Variants in TRAK1 observed in about 807,000 individuals in gnomAD.
The protein encoded by TRAK1 is trafficking kinesin-binding protein 1.
A neutral mutation model predicts 92.1 loss-of-function variants in TRAK1; 33 were observed. The ratio of observed to expected loss-of-function variants is 0.36; its 90% CI spans 0.27 to 0.48. The LOEUF (loss-of-function observed/expected upper bound fraction) is 0.48. Ranked by LOEUF, TRAK1 falls within the 20% of genes least tolerant of loss-of-function variation. The probability of loss-of-function intolerance (pLI) is 0.99; values close to 1 mark genes in which losing one functional copy is unlikely to be tolerated. For synonymous variants in TRAK1, 521 were observed against 517.3 expected (o/e 1.01, Z -0.10); for missense variants, 1,123 against 1,257.9 (o/e 0.89, Z 1.62).
Position 42,042,193 on chromosome 3 carries a change from C to A in TRAK1, c.-519+28076C>A, listed in dbSNP as rs1266460688. On this transcript the variant is annotated intron_variant, in intron 1 of 16. Coordinates refer to the TRAK1 transcript ENST00000487159. ...CCTCCCACCTTGACCTCCCAAAGTGCTGGGATTACAGGCGTGAGCCATCGA... is the reference window on the plus strand; with the variant it reads ...CCTCCCACCTTGACCTCCCAAAGTGATGGGATTACAGGCGTGAGCCATCGA... Among the ~76,000 whole-genome samples the A allele has an allele frequency of 2.6e-5, 4 of 152,034 alleles. No homozygotes were observed. In the East Asian group the frequency reaches 7.7e-4, roughly 29 times the overall value.
At chr3:42,162,250 C>G (rs1295486585) in intron 2 of TRAK1, among the ~76,000 whole-genome samples, 1 of 151,804 alleles carries the variant, frequency 6.6e-6, no homozygotes, top group East Asian at 1.9e-4. Context: ...GTGCCCATTT[C>G]ATGTATATAA....
rs375315730 is a variant in TRAK1, at chr3:42,110,094, G to GTATATATATATATATATATATATA, written c.92-15311_92-15288dup. Among the ~76,000 whole-genome samples the GTATATATATATATATATATATATA allele has an allele frequency of 1.3e-3, 106 of 83,200 alleles. 2 individuals are homozygous for GTATATATATATATATATATATATA. The highest frequency in any genetic ancestry group is 1.5e-3 in the Non-Finnish European group (66 of 43,198). The allele number at this position is 83,200 out of a possible 152,430, so 54.6% of individuals were successfully genotyped here. A position where few individuals can be genotyped will look rare whatever the true frequency, so the allele number is the denominator to read the frequency against. The stretch of plus-strand genomic sequence containing the variant: ...GTGCACATGTACCCTAGAACTTAAA[G>GTATATATATATATATATATATATA]TATATATATATATATATATATATAT... On this transcript the variant is annotated intron_variant, in intron 1 of 15. Coordinates refer to ENST00000327628, the MANE Select transcript of TRAK1 (RefSeq NM_001042646.3).
At chr3:42,044,622 C>T (rs1702684218) in intron 1 of TRAK1, among the ~76,000 whole-genome samples, 1 of 152,224 alleles carries the variant, frequency 6.6e-6, no homozygotes, top group Admixed American at 6.5e-5. Flanking sequence ...CTGTCTGTGC[C>T]ACTTGCCAGC....
chr3:42,217,006 C>T (rs898903453), intron 14 of TRAK1, among the ~76,000 whole-genome samples: 3 of 151,686 alleles, frequency 2.0e-5, no homozygotes, highest in African/African-American at 7.3e-5. Flanking sequence ...GGCTTTGGTG[C>T]GTGGCATGGG....
chr3:42,123,782 A>G (rs975648226), intron 1 of TRAK1, among the ~76,000 whole-genome samples: 1 of 151,664 alleles, frequency 6.6e-6, no homozygotes, highest in African/African-American at 2.4e-5. Flanking sequence ...TTGGTCCTCC[A>G]CTTGATCCAG....
intron 2 of TRAK1, among the ~76,000 whole-genome samples, chr3:42,127,245 C>T (rs376062992): frequency 1.2e-4 from 19 of 152,068 alleles, no homozygotes; most frequent in South Asian, 4.2e-4. Context: ...TTTGGGAAAT[C>T]TCTCTGCGTT....
In TRAK1 at chr3:42,105,345, C is replaced by A. The variant is rs548955205; in HGVS notation, c.91+13785C>A. Among the ~76,000 whole-genome samples, 24 of 152,300 alleles carry A rather than the reference C, an allele frequency of 1.6e-4. No individual in the cohort carries two copies. In the South Asian group the frequency reaches 5.0e-3, roughly 32 times the overall value. ...TTAAATGACTTGATGGAGCTGAAAA[C>A]CATGGCACGAGAACTATGTGACGCA... On this transcript the variant is annotated intron_variant, in intron 1 of 15. Transcript: ENST00000327628.
chr3:42,013,449 G>A (rs116747564), upstream of TRAK1, among the ~76,000 whole-genome samples: 4,331 of 152,182 alleles, frequency 0.028, 212 homozygotes, highest in African/African-American at 0.099. This position sits in a 1 kb window ranked among gnomAD's most constrained non-coding sequence, Gnocchi z 5.1. Flanking sequence ...GCCCCACGGC[G>A]TGGGTAAAAG....
intron 13 of TRAK1, chr3:42,203,329 A>G (rs1576996195): frequency 5.1e-6 from 5 of 987,642 alleles, no homozygotes; most frequent in South Asian, 4.7e-5. Flanking sequence ...AGAGTCTACA[A>G]TTTGGAGTCC....
chr3:42,093,669 C>CCCTT (rs1559755696), intron 1 of TRAK1, among the ~76,000 whole-genome samples: 210 of 10,438 alleles, frequency 0.02, 24 homozygotes, highest in African/African-American at 0.026. Flanking sequence ...TCCCTTCCCT[C>CCCTT]CCCTCCCCTC....
intron 1 of TRAK1, among the ~76,000 whole-genome samples, chr3:42,070,008 C>T (rs903686629): frequency 6.6e-6 from 1 of 151,858 alleles, no homozygotes; most frequent in Non-Finnish European, 1.5e-5. Context: ...CCCGCCACCA[C>T]ACCTGGCTAA....
rs140769607 is a variant in TRAK1, at chr3:42,049,327, AT to A, written c.-519+35220del. 3.5e-4 allele frequency among the ~76,000 whole-genome samples: 47 copies of A among 134,006 alleles called. No individual in the cohort carries two copies. In the South Asian group the frequency reaches 8.5e-3, roughly 24 times the overall value. 87.9% of individuals were successfully genotyped at this position (134,006 alleles called of 152,430 possible). Reference sequence around the variant, plus strand: ...TTCCTCTTCCTTTTTTATGTCATTCATTTTTTTTTTCTCTGAAAGCTTTTAG... The same window carrying A: ...TTCCTCTTCCTTTTTTATGTCATTCATTTTTTTTTCTCTGAAAGCTTTTAG... On this transcript the variant is annotated intron_variant, in intron 1 of 16. Coordinates refer to the TRAK1 transcript ENST00000487159.
At chr3:42,057,473 A>G (rs915813052) in intron 1 of TRAK1, among the ~76,000 whole-genome samples, 2 of 152,130 alleles carry the variant, frequency 1.3e-5, no homozygotes, top group African/African-American at 4.8e-5. Flanking sequence ...CCTTTGCAGC[A>G]TGCTGGAGTA....
chr3:42,160,169 G>C (rs943679446), intron 2 of TRAK1: 15 of 1,078,936 alleles, frequency 1.4e-5, no homozygotes, highest in Non-Finnish European at 1.7e-5. Flanking sequence ...GGTCCTGCCC[G>C]GGTGATGCTG....
chr3:42,052,410 G>T (rs576239165), intron 1 of TRAK1, among the ~76,000 whole-genome samples: 6 of 152,316 alleles, frequency 3.9e-5, no homozygotes, highest in African/African-American at 1.4e-4. Context: ...TTGTAGACTG[G>T]TGCAAAAGTC....
chr3:42,038,838 C>T (rs1359319749), intron 1 of TRAK1, among the ~76,000 whole-genome samples: 5 of 136,474 alleles, frequency 3.7e-5, no homozygotes, highest in Non-Finnish European at 7.6e-5. Flanking sequence ...GAGACAGTCT[C>T]CCTATGTTGC....
At chr3:42,133,941 A>T (rs1697546741) in intron 2 of TRAK1, among the ~76,000 whole-genome samples, 1 of 152,254 alleles carries the variant, frequency 6.6e-6, no homozygotes, top group South Asian at 2.1e-4. Flanking sequence ...ATTTTTTTAA[A>T]AAGAATACTT....
intron 14 of TRAK1, among the ~76,000 whole-genome samples, chr3:42,216,488 A>G (rs985855205): frequency 2.0e-5 from 3 of 152,188 alleles, no homozygotes; most frequent in African/African-American, 7.2e-5. Flanking sequence ...TGTAAGAGTG[A>G]AAGTAAGAGT....
chr3:42,135,966 G>T (rs1314486458), intron 2 of TRAK1, among the ~76,000 whole-genome samples: 1 of 152,148 alleles, frequency 6.6e-6, no homozygotes, highest in Non-Finnish European at 1.5e-5. Flanking sequence ...ATAGAAACTC[G>T]GGGTGGACAT....
Sources: allele counts gnomAD v4.1 joint callset (sites outside exome capture counted in the v4.1 genomes callset), GRCh38; gene constraint gnomAD v4.1.1; non-coding constraint Gnocchi (gnomAD v3.1); transcripts MANE v1.5; gene names NCBI Gene and HGNC (gene_info 2026-07-23, HGNC 2026-07-21).